The following ELP3 variants were observed in gnomAD, a reference collection of about 807,000 sequenced individuals.
ELP3 encodes elongator acetyltransferase complex subunit 3.
A neutral mutation model predicts 74.9 loss-of-function variants in ELP3; 56 were observed. That is an observed-to-expected ratio of 0.75 (90% confidence interval 0.60 to 0.93). The LOEUF (loss-of-function observed/expected upper bound fraction) is 0.93. Among genes scored for constraint, ELP3 ranks in the 40% least tolerant of loss-of-function variants. The probability of loss-of-function intolerance (pLI) is 0.00; values close to 1 mark genes in which losing one functional copy is unlikely to be tolerated. For synonymous variants in ELP3, 222 were observed against 239.8 expected (o/e 0.93, Z 0.68); for missense variants, 573 against 686.5 (o/e 0.83, Z 1.85).
chr8:28,118,574 A>G (rs1226502084), intron 7 of ELP3, among the ~76,000 whole-genome samples: 1 of 152,204 alleles, frequency 6.6e-6, no homozygotes, highest in Admixed American at 6.5e-5. Flanking sequence ...CCAGAGAGCA[A>G]CAATTACTGG....
intron 14 of ELP3, among the ~76,000 whole-genome samples, chr8:28,173,848 T>A (rs1358355159): frequency 6.6e-6 from 1 of 152,046 alleles, no homozygotes; most frequent in East Asian, 1.9e-4. Flanking sequence ...TCCTTGTGAT[T>A]TCTTCTTTAG....
At chr8:28,121,260 G>A (rs1197702808) in intron 7 of ELP3, among the ~76,000 whole-genome samples, 1 of 150,840 alleles carries the variant, frequency 6.6e-6, no homozygotes, top group African/African-American at 2.4e-5. Flanking sequence ...ATATTTGTAT[G>A]TGTTTTGGTG....
chr8:28,185,706 G>A (rs377502234), intron 14 of ELP3, among the ~76,000 whole-genome samples: 3 of 152,160 alleles, frequency 2.0e-5, no homozygotes, highest in Non-Finnish European at 4.4e-5. Context: ...TGAGGGAAGC[G>A]CCCAGAGGCA....
chr8:28,157,024 C>G (rs1183607090), intron 11 of ELP3, among the ~76,000 whole-genome samples: 1 of 152,158 alleles, frequency 6.6e-6, no homozygotes, highest in Non-Finnish European at 1.5e-5. Context: ...TTTGTGTTCT[C>G]CATCTCCTCT....
In ELP3 at chr8:28,113,048, A is replaced by G; in HGVS notation, c.492A>G (p.Lys164=). ...AACAACTTGGTCATAGTGTGGATAA[A>G]GTGGAGTTTATTGTGATGGGTGGAA... ...QLKQLGHSVD[K]VEFIVMGGTF... Residue 164 remains lysine, a synonymous_variant, in exon 7 of 15, where the codon AAA becomes AAG. Transcript: ENST00000256398. 1 of 1,613,664 alleles carries G rather than the reference A, an allele frequency of 6.2e-7. No individual in the cohort carries two copies. The highest frequency in any genetic ancestry group is 8.5e-7 in the Non-Finnish European group (1 of 1,179,806).
chr8:28,098,367 T>C lies in ELP3; in HGVS notation c.119+1049T>C, dbSNP rs192981791. On this transcript the variant is annotated intron_variant, in intron 2 of 14. Transcript: ENST00000256398. ...ATGCTGCAATATTTTACCCCTTCCT[T>C]GAATCCTCATGCTTAGTAAATATTT... 6.5e-3 allele frequency among the ~76,000 whole-genome samples: 983 copies of C among 152,324 alleles called. 6 individuals are homozygous for C. Among genetic ancestry groups the C allele is most frequent in the African/African-American group, 0.02 (840 of 41,562 alleles).
At chr8:28,130,502 GGAATAGAGATCTGTT>G (rs1353085667) in intron 8 of ELP3, among the ~76,000 whole-genome samples, 1 of 152,194 alleles carries the variant, frequency 6.6e-6, no homozygotes, top group Non-Finnish European at 1.5e-5. Context: ...TTTCCCTTAA[GGAATAGAGATCTGTT>G]GAATATTTTT....
At chr8:28,112,353 G>A (rs1563252758) in intron 6 of ELP3, 1 of 152,176 alleles carries the variant, frequency 6.6e-6, no homozygotes, top group Non-Finnish European at 1.5e-5. Flanking sequence ...GGCTGGTCTC[G>A]AACTCCTGAC....
At chr8:28,129,952 G>A (rs1812728996) in intron 8 of ELP3, among the ~76,000 whole-genome samples, 1 of 152,090 alleles carries the variant, frequency 6.6e-6, no homozygotes, top group South Asian at 2.1e-4. Context: ...GAGAGGACTC[G>A]GGGTTAGTAG....
At chr8:28,107,852 G>T in intron 4 of ELP3, 61 bp from the exon 5 acceptor site, 1 of 1,350,160 alleles carries the variant, frequency 7.4e-7, no homozygotes, top group South Asian at 1.2e-5. Context: ...TAGATGCTTG[G>T]AACTAGCTGA....
At chr8:28,156,475 G>A (rs1470639759) in intron 11 of ELP3, among the ~76,000 whole-genome samples, 2 of 151,994 alleles carry the variant, frequency 1.3e-5, no homozygotes, top group Non-Finnish European at 2.9e-5. Flanking sequence ...TCCCTTCTTC[G>A]CTCACAGATA....
chr8:28,153,840 G>T (rs1369134334), intron 10 of ELP3, among the ~76,000 whole-genome samples: 3 of 152,120 alleles, frequency 2.0e-5, no homozygotes, highest in Non-Finnish European at 4.4e-5. Context: ...GGTTTTTGGT[G>T]CATTGGGTAA....
chr8:28,180,857 GC>G (rs1411176167), intron 14 of ELP3, among the ~76,000 whole-genome samples: 1 of 152,148 alleles, frequency 6.6e-6, no homozygotes, highest in African/African-American at 2.4e-5. Context: ...CCCTGTCTGT[GC>G]CAGGCTCTGA....
intron 5 of ELP3, 25 bp from the exon 6 acceptor site, chr8:28,110,345 G>A: frequency 6.3e-7 from 1 of 1,594,334 alleles, no homozygotes; most frequent in Non-Finnish European, 8.6e-7. Context: ...TTCAATGTGG[G>A]CATAACAATA....
chr8:28,144,117 TTATAAA>T (rs918678914), intron 10 of ELP3, among the ~76,000 whole-genome samples: 20 of 152,320 alleles, frequency 1.3e-4, no homozygotes, highest in African/African-American at 4.3e-4. Context: ...GAAATTTGGA[TTATAAA>T]TATTGTCTTT....
At chr8:28,093,136 T>C (rs1006473710), upstream of ELP3, 20 of 1,586,686 alleles carry the variant, frequency 1.3e-5, no homozygotes, top group Non-Finnish European at 1.5e-5. Context: ...GGGATTGTTT[T>C]GTGGCTGTCA....
chr8:28,140,114 TTGTGTGTGTGTGTG>T lies in ELP3; in HGVS notation c.1100+2251_1100+2264del, dbSNP rs56981709. Among the ~76,000 whole-genome samples, 60 of 143,796 alleles carry T rather than the reference TTGTGTGTGTGTGTG, an allele frequency of 4.2e-4. 1 individual carries two copies. Among genetic ancestry groups the T allele is most frequent in the African/African-American group, 1.3e-3 (50 of 38,884 alleles). The allele number at this position is 143,796 out of a possible 152,430, so 94.3% of individuals were successfully genotyped here. A position where few individuals can be genotyped will look rare whatever the true frequency, so the allele number is the denominator to read the frequency against. On this transcript the variant is annotated intron_variant, in intron 10 of 14. Coordinates refer to ENST00000256398, the MANE Select transcript of ELP3 (RefSeq NM_018091.6). ...ATACCGAGGGACAACTGTACATATT[TTGTGTGTGTGTGTG>T]TGTGTGTGTGTGTGTGTGTGTGTGT... is the stretch of plus-strand genomic sequence containing the variant.
intron 14 of ELP3, among the ~76,000 whole-genome samples, chr8:28,170,791 T>C (rs1465264477): frequency 6.6e-6 from 1 of 152,192 alleles, no homozygotes; most frequent in Non-Finnish European, 1.5e-5. Context: ...AGTGGCATTA[T>C]TTACATTTAC....
chr8:28,129,727 A>G, intron 8 of ELP3, 64 bp downstream of exon 8: 7 of 1,587,908 alleles, frequency 4.4e-6, no homozygotes, highest in Non-Finnish European at 6.0e-6. Context: ...CTCTACATTC[A>G]TACCCAGCCT....
Sources: allele counts gnomAD v4.1 joint callset (sites outside exome capture counted in the v4.1 genomes callset), GRCh38; gene constraint gnomAD v4.1.1; transcripts MANE v1.5; gene names NCBI Gene and HGNC (gene_info 2026-07-23, HGNC 2026-07-21).